The following SLC28A3 variants were observed in gnomAD, a reference collection of about 807,000 sequenced individuals.
SLC28A3 encodes concentrative Na(+)-nucleoside cotransporter 3.
SLC28A3 carries 68 observed loss-of-function variants against 84.2 expected under a neutral mutation model. The observed-to-expected ratio is 0.81, with a 90% confidence interval of 0.66 to 0.99. The LOEUF (loss-of-function observed/expected upper bound fraction) is 0.99, where lower values mean the gene tolerates loss of function less well. Among genes scored for constraint, SLC28A3 ranks in the 50% least tolerant of loss-of-function variants. The probability of loss-of-function intolerance (pLI) is 0.00; values close to 1 mark genes in which losing one functional copy is unlikely to be tolerated. For synonymous variants in SLC28A3, 267 were observed against 303.6 expected, an observed-to-expected ratio of 0.88 and a Z score of 1.25; for missense variants, 712 against 841.5, an observed-to-expected ratio of 0.85 and a Z score of 1.90.
At chr9:84,340,966 T>TTTTC (rs563156121), upstream of SLC28A3, among the ~76,000 whole-genome samples, 6 of 151,596 alleles carry the variant, frequency 4.0e-5, no homozygotes, top group African/African-American at 1.2e-4. Context: ...GACACTTTCT[T>TTTTC]TTTCTTTCTT....
At chr9:84,279,188 A>AAGT (rs1824639174) in intron 17 of SLC28A3, 77 bp downstream of exon 17, 1 of 1,351,496 alleles carries the variant, frequency 7.4e-7, no homozygotes, top group African/African-American at 1.5e-5. Context: ...AAAAAAAAAA[A>AAGT]AAGTAAGTGG....
chr9:84,277,464 C>T lies in SLC28A3; in HGVS notation c.*754G>A, dbSNP rs1387710907. 2.0e-5 allele frequency: 3 copies of T among 152,236 alleles called. No individual in the cohort carries two copies. The highest frequency in any genetic ancestry group is 4.4e-5 in the Non-Finnish European group (3 of 68,056). The allele number at this position is 152,236 out of a possible 1,614,324, so 9.4% of individuals were successfully genotyped here. A position where few individuals can be genotyped will look rare whatever the true frequency, so the allele number is the denominator to read the frequency against. ...CTTTTCCCTCTTAAGACCAACATGC[C>T]CCCCTTAGAGGCTGCTCCTTTAGAC... is the stretch of plus-strand genomic sequence containing the variant. On this transcript the variant is annotated 3_prime_UTR_variant, in exon 18 of 18. Transcript: ENST00000376238.
At chr9:84,291,928 A>T in intron 10 of SLC28A3, among the ~76,000 whole-genome samples, 1 of 151,862 alleles carries the variant, frequency 6.6e-6, no homozygotes, top group East Asian at 1.9e-4. Context: ...TTTGAGGGAC[A>T]CTCCTTGGCA....
upstream of SLC28A3, among the ~76,000 whole-genome samples, chr9:84,342,945 T>A (rs1827193911): frequency 6.6e-6 from 1 of 152,054 alleles, no homozygotes; most frequent in Non-Finnish European, 1.5e-5. Context: ...AGATGGATCA[T>A]GAAGTCAGGA....
upstream of SLC28A3, among the ~76,000 whole-genome samples, chr9:84,342,145 G>GAAAAGA (rs1554732025): frequency 1.3e-4 from 17 of 128,502 alleles, 1 homozygote; most frequent in African/African-American, 2.3e-4. Flanking sequence ...AAAAAAAAAA[G>GAAAAGA]AAAAGAAAAA....
In SLC28A3 at chr9:84,294,187, C is replaced by A. The variant is rs1300821894; in HGVS notation, c.942+8G>T. On this transcript the variant is annotated splice_region_variant and intron_variant, in intron 9 of 17. Coordinates refer to ENST00000376238, the MANE Select transcript of SLC28A3 (RefSeq NM_001199633.2). ...CACCTATAACCCAGTCCCTCCCAGCCCCAGTACCTTTCTAATAATCCACTG... is the reference window on the plus strand; with the variant it reads ...CACCTATAACCCAGTCCCTCCCAGCACCAGTACCTTTCTAATAATCCACTG... 6.2e-7 allele frequency: 1 copy of A among 1,613,694 alleles called. No homozygotes were observed. The highest frequency in any genetic ancestry group is 8.5e-7 in the Non-Finnish European group (1 of 1,179,772).
the SLC28A3 span, among the ~76,000 whole-genome samples, chr9:84,358,234 G>A: frequency 6.6e-6 from 1 of 152,216 alleles, no homozygotes; most frequent in Admixed American, 6.5e-5. Context: ...CTTCCATACA[G>A]GGGAGAGAGT....
intron 1 of SLC28A3, among the ~76,000 whole-genome samples, chr9:84,321,913 G>T (rs1209958378): frequency 1.3e-5 from 2 of 151,992 alleles, no homozygotes; most frequent in Non-Finnish European, 2.9e-5. Flanking sequence ...AATCAGGTGT[G>T]GTGGTGAGCG....
At chr9:84,291,405 C>T (rs759641716) in intron 10 of SLC28A3, among the ~76,000 whole-genome samples, 14 of 152,238 alleles carry the variant, frequency 9.2e-5, no homozygotes, top group Non-Finnish European at 1.2e-4. Context: ...GGCATGATCT[C>T]GGCTCACTGC....
intron 3 of SLC28A3, among the ~76,000 whole-genome samples, chr9:84,308,769 G>A (rs1825884946): frequency 6.6e-6 from 1 of 152,200 alleles, no homozygotes; most frequent in Non-Finnish European, 1.5e-5. Flanking sequence ...AGCTGAAATT[G>A]TGACCTAATT....
rs187221456 is a variant in SLC28A3, at chr9:84,303,752, C to T, written c.335-1363G>A. Among the ~76,000 whole-genome samples the T allele has an allele frequency of 5.4e-4, 82 of 152,258 alleles. 1 individual carries two copies. Among genetic ancestry groups the T allele is most frequent in the African/African-American group, 2.0e-3 (82 of 41,542 alleles). On this transcript the variant is annotated intron_variant, in intron 4 of 17. Transcript: ENST00000376238. Reference sequence around the variant, plus strand: ...GAGGGTTTTTGTGTTCTTTGCTTTACCTTTTGACTTCACAGGGCTGAAAAC... The same window carrying T: ...GAGGGTTTTTGTGTTCTTTGCTTTATCTTTTGACTTCACAGGGCTGAAAAC...
chr9:84,283,288 C>A (rs1047432021), intron 14 of SLC28A3, among the ~76,000 whole-genome samples: 2 of 152,270 alleles, frequency 1.3e-5, no homozygotes, highest in Non-Finnish European at 2.9e-5. Flanking sequence ...ACACACCTCA[C>A]AGCTCTCCTT....
At chr9:84,364,579 T>A in the SLC28A3 span, among the ~76,000 whole-genome samples, 3 of 152,274 alleles carry the variant, frequency 2.0e-5, no homozygotes, top group Non-Finnish European at 4.4e-5. Context: ...TTAACTATAG[T>A]CAATCTGTTG....
chr9:84,310,881 T>C (rs1338055162), intron 2 of SLC28A3, among the ~76,000 whole-genome samples: 1 of 152,170 alleles, frequency 6.6e-6, no homozygotes, highest in East Asian at 1.9e-4. Flanking sequence ...ATTTAAATGG[T>C]CATCATTATT....
At chr9:84,310,684 C>A (rs1825959535) in intron 2 of SLC28A3, 3 of 771,520 alleles carry the variant, frequency 3.9e-6, no homozygotes, top group Non-Finnish European at 4.7e-6. Context: ...CTCCATTGTT[C>A]TTCTGATTCA....
At chr9:84,289,630 C>G (rs975290193) in intron 11 of SLC28A3, among the ~76,000 whole-genome samples, 1 of 152,222 alleles carries the variant, frequency 6.6e-6, no homozygotes, top group Non-Finnish European at 1.5e-5. Flanking sequence ...TTGAGAATCA[C>G]TGCTCTAGAC....
chr9:84,309,610 C>A lies in SLC28A3; in HGVS notation c.242+19G>T, dbSNP rs1341455733. 11 of 1,593,066 alleles carry A rather than the reference C, an allele frequency of 6.9e-6. No individual in the cohort carries two copies. Among genetic ancestry groups the A allele is most frequent in the Non-Finnish European group, 9.4e-6 (11 of 1,165,282 alleles). On this transcript the variant is annotated intron_variant, in intron 3 of 17. Transcript: ENST00000376238. ...AACGGGAGGTAGGCTTGGTTATTTC[C>A]CTGTTTTAAAGACTGTACCCTTTTT...
At chr9:84,303,416 G>T (rs1825694377) in intron 4 of SLC28A3, among the ~76,000 whole-genome samples, 1 of 152,154 alleles carries the variant, frequency 6.6e-6, no homozygotes, top group Non-Finnish European at 1.5e-5. Context: ...CACCTCCCAG[G>T]TTCAAGTGAT....
chr9:84,344,952 G>A (rs1188331633), upstream of SLC28A3, among the ~76,000 whole-genome samples: 2 of 152,052 alleles, frequency 1.3e-5, no homozygotes, highest in Non-Finnish European at 2.9e-5. Context: ...GCCTCCCAAG[G>A]GTTGTGTCAT....
Sources: allele counts gnomAD v4.1 joint callset (sites outside exome capture counted in the v4.1 genomes callset), GRCh38; gene constraint gnomAD v4.1.1; transcripts MANE v1.5; gene names NCBI Gene and HGNC (gene_info 2026-07-23, HGNC 2026-07-21).